The following OR11A1 variants were observed in gnomAD, a reference collection of about 807,000 sequenced individuals.
OR11A1 encodes the protein olfactory receptor family 11 subfamily A member 1.
For synonymous variants in OR11A1, 158 were observed against 152.2 expected (o/e 1.04, Z -0.28); for missense variants, 380 against 378.2 (o/e 1.00, Z -0.04).
intron 1 of OR11A1, among the ~76,000 whole-genome samples, chr6:29,451,100 A>G (rs1785324763): frequency 6.6e-6 from 1 of 152,178 alleles, no homozygotes; most frequent in Non-Finnish European, 1.5e-5. Context: ...GTCAACAAAA[A>G]TAAGCACTCA....
chr6:29,454,748 C>T (rs1389608558), intron 1 of OR11A1, among the ~76,000 whole-genome samples: 1 of 152,038 alleles, frequency 6.6e-6, no homozygotes, highest in Non-Finnish European at 1.5e-5. Context: ...AGAAATAGAG[C>T]CAAACACATA....
At chr6:29,440,430 G>C in intron 1 of OR11A1, 2 of 1,614,068 alleles carry the variant, frequency 1.2e-6, no homozygotes, top group East Asian at 4.5e-5. Context: ...GAGCCACCGG[G>C]TGTGTCTACA....
At chr6:29,442,441 A>G (rs538596174) in intron 1 of OR11A1, among the ~76,000 whole-genome samples, 4 of 152,352 alleles carry the variant, frequency 2.6e-5, no homozygotes, top group African/African-American at 9.6e-5. Context: ...CATACTTTAT[A>G]TCATTCCAAC....
At chr6:29,438,846 A>G (rs1421844006) in intron 1 of OR11A1, among the ~76,000 whole-genome samples, 1 of 152,086 alleles carries the variant, frequency 6.6e-6, no homozygotes, top group African/African-American at 2.4e-5. Context: ...AGCAAGTCAC[A>G]AATGCCATCT....
chr6:29,430,227 T>C, intron 3 of OR11A1, 74 bp downstream of exon 3: 2 of 943,746 alleles, frequency 2.1e-6, no homozygotes, highest in Non-Finnish European at 2.5e-6. Flanking sequence ...AAGAATGCTG[T>C]TCTTCATAGA....
chr6:29,434,852 A>G (rs1160979523), intron 1 of OR11A1, among the ~76,000 whole-genome samples: 1 of 152,222 alleles, frequency 6.6e-6, no homozygotes, highest in Non-Finnish European at 1.5e-5. Flanking sequence ...TATTAGCATG[A>G]AAAATACATT....
intron 1 of OR11A1, among the ~76,000 whole-genome samples, chr6:29,448,107 CCT>C (rs1463970577): frequency 3.0e-4 from 44 of 145,040 alleles, no homozygotes; most frequent in African/African-American, 1.1e-3. Flanking sequence ...ACCTCCGCCT[CCT>C]GGGTTCAAGC....
chr6:29,441,982 G>A (rs7741413), intron 1 of OR11A1, among the ~76,000 whole-genome samples: 7,723 of 152,140 alleles, frequency 0.051, 378 homozygotes, highest in African/African-American at 0.12. Flanking sequence ...ATAAAGTTGC[G>A]GTAACAACAG....
Position 29,427,065 on chromosome 6 carries a change from G to C in OR11A1, c.577C>G (p.Pro193Ala), listed in dbSNP as rs746090421. ...AGAGTTGTCACCTGAGCCACTCTGG[G>C]ATCCGAGCAAGCCAGGCCCACGAAA... ...MLFVGLACSD[P>A]RVAQVTTLIL... The change falls in exon 5 of 5, where the codon CCC becomes GCC. Residue 193 changes from proline (P) to alanine (A), a missense_variant. By Grantham distance (27) the Pro-to-Ala change is conservative. Coordinates refer to ENST00000377149, the MANE Select transcript of OR11A1 (RefSeq NM_001394828.1). The C allele has an allele frequency of 6.2e-7, 1 of 1,612,268 alleles. No individual in the cohort carries two copies. The highest frequency in any genetic ancestry group is 2.2e-5 in the East Asian group (1 of 44,880).
At chr6:29,440,758 C>T in intron 1 of OR11A1, 4 of 1,613,914 alleles carry the variant, frequency 2.5e-6, no homozygotes, top group Non-Finnish European at 3.4e-6. Context: ...ATCATGGTCT[C>T]CCTCTTCTAT....
rs915665474 is a variant in OR11A1, at chr6:29,453,265, C to A, written c.-389+3722G>T. ...GGTGAATTAAAGAGGACAGCAAATC[C>A]TTCCTTCCTCCACCTCACAAATAAA... On this transcript the variant is annotated intron_variant, in intron 1 of 4. Transcript: ENST00000377149. The surrounding 1 kb of genome is among the most constrained non-coding windows in gnomAD (Gnocchi z 4.5). 2.6e-5 allele frequency among the ~76,000 whole-genome samples: 4 copies of A among 151,266 alleles called. No individual in the cohort carries two copies.
chr6:29,427,618 G>T lies in OR11A1; in HGVS notation c.24C>A (p.Asn8Lys). 3 of 1,608,730 alleles carry T rather than the reference G, an allele frequency of 1.9e-6. No homozygotes were observed. The highest frequency in any genetic ancestry group is 2.5e-6 in the Non-Finnish European group (3 of 1,177,450). ...GGAGGACAAATTCAGTAATAGTTTC[G>T]TTTCCTGTGGAGACAATTTCCATGT... The part of the protein sequence containing the change: MEIVSTG[N>K]ETITEFVLLG... The change falls in exon 5 of 5, where the codon AAC becomes AAA. Residue 8 changes from asparagine (N) to lysine (K), a missense_variant. Transcript: ENST00000377149.
In OR11A1 at chr6:29,453,016, G is replaced by T. The variant is rs1174426133; in HGVS notation, c.-389+3971C>A. Among the ~76,000 whole-genome samples, 3 of 151,478 alleles carry T rather than the reference G, an allele frequency of 2.0e-5. No homozygotes were observed. Among genetic ancestry groups the T allele is most frequent in the African/African-American group, 7.2e-5 (3 of 41,382 alleles). ...ATTATAACTAATTTTATTATTATCA[G>T]ATTTTTATATTCTATGTTAAAGGTA... On this transcript the variant is annotated intron_variant, in intron 1 of 4. Coordinates refer to ENST00000377149, the MANE Select transcript of OR11A1 (RefSeq NM_001394828.1). This position sits in a 1 kb window ranked among gnomAD's most constrained non-coding sequence, Gnocchi z 4.5.
intron 1 of OR11A1, among the ~76,000 whole-genome samples, chr6:29,436,346 C>T (rs1374728482): frequency 6.6e-6 from 1 of 152,072 alleles, no homozygotes; most frequent in East Asian, 1.9e-4. Flanking sequence ...AAATGTAGCG[C>T]TGAAGTGCTG....
rs370758492 is a variant in OR11A1 at position 29,427,265 on chromosome 6, G to T, written c.377C>A (p.Ala126Glu). The T allele has an allele frequency of 3.1e-6, 5 of 1,613,092 alleles. No homozygotes were observed. Among genetic ancestry groups the T allele is most frequent in the Non-Finnish European group, 4.2e-6 (5 of 1,180,024 alleles). ...LAVMAYDRYLAICYPLHYPLL... is the reference protein window; with the variant it reads ...LAVMAYDRYLEICYPLHYPLL... ...TGGGTAGTGGAGTGGGTAGCAAATT[G>T]CCAGGTAGCGGTCATATGCCATGAC... Residue 126 changes from alanine to glutamate, a missense_variant, in exon 5 of 5, where the codon GCA (alanine) becomes GAA (glutamate). Physicochemically the swap from Ala to Glu is moderately radical, Grantham distance 107. Coordinates refer to ENST00000377149, the MANE Select transcript of OR11A1 (RefSeq NM_001394828.1).
chr6:29,434,514 G>T (rs1279742671), intron 1 of OR11A1, among the ~76,000 whole-genome samples: 1 of 152,068 alleles, frequency 6.6e-6, no homozygotes, highest in Non-Finnish European at 1.5e-5. Context: ...TTTGTGTGTT[G>T]AACCATCCTT....
At chr6:29,432,994 T>C (rs1004245133) in intron 1 of OR11A1, among the ~76,000 whole-genome samples, 1 of 152,214 alleles carries the variant, frequency 6.6e-6, no homozygotes, top group African/African-American at 2.4e-5. Context: ...AGTATATGTG[T>C]CTTGAAAAGA....
chr6:29,436,010 G>A (rs1783601258), intron 1 of OR11A1, among the ~76,000 whole-genome samples: 1 of 152,208 alleles, frequency 6.6e-6, no homozygotes, highest in Non-Finnish European at 1.5e-5. Context: ...CAGTAGACAT[G>A]ACTAGCAATA....
intron 1 of OR11A1, among the ~76,000 whole-genome samples, chr6:29,451,510 T>C (rs1460806817): frequency 1.3e-5 from 2 of 151,934 alleles, no homozygotes; most frequent in South Asian, 2.1e-4. Context: ...AAAAAATTTT[T>C]TTTAAATGGG....
Sources: gnomAD v4.1 joint callset for allele counts (sites outside exome capture counted in the v4.1 genomes callset) on GRCh38, gnomAD v4.1.1 for gene constraint, Gnocchi (gnomAD v3.1) non-coding constraint, MANE v1.5 for transcripts, NCBI Gene and HGNC (gene_info 2026-07-23, HGNC 2026-07-21) for gene names.